Variants in FYB1 observed in about 807,000 individuals in gnomAD.
FYB1 encodes the protein FYN binding protein 1.
In FYB1, 41 loss-of-function variants were observed where a neutral mutation model predicts 94.1. The observed-to-expected ratio is 0.44, with a 90% CI of 0.34 to 0.57. The LOEUF (loss-of-function observed/expected upper bound fraction) is 0.57. Among genes scored for constraint, FYB1 ranks in the 20% least tolerant of loss-of-function variants. FYB1 has a pLI of 0.02. For synonymous variants in FYB1, 367 were observed against 353.2 expected (o/e 1.04, Z -0.44); for missense variants, 1,050 against 976.8 (o/e 1.07, Z -1.00).
chr5:39,246,816 G>A (rs1448808856), intron 1 of FYB1, among the ~76,000 whole-genome samples: 1 of 152,014 alleles, frequency 6.6e-6, no homozygotes, highest in African/African-American at 2.4e-5. Flanking sequence ...GACATGGTGA[G>A]GAGCAGAATG....
intron 1 of FYB1, among the ~76,000 whole-genome samples, chr5:39,267,487 C>T (rs1752483315): frequency 6.6e-6 from 1 of 152,080 alleles, no homozygotes; most frequent in Admixed American, 6.6e-5. Context: ...AACAAGTCAA[C>T]AAGAAGCCAG....
chr5:39,192,455 T>C (rs1346584077), intron 2 of FYB1, among the ~76,000 whole-genome samples: 1 of 152,244 alleles, frequency 6.6e-6, no homozygotes, highest in Non-Finnish European at 1.5e-5. Context: ...TTATTTATAT[T>C]ACAAGTGGTC....
intron 1 of FYB1, among the ~76,000 whole-genome samples, chr5:39,246,882 T>C (rs1751498610): frequency 6.6e-6 from 1 of 151,872 alleles, no homozygotes. Context: ...GCCTGGGCTT[T>C]GGAGCCAGGC....
At chr5:39,165,474 T>C (rs1004778422) in intron 2 of FYB1, among the ~76,000 whole-genome samples, 1 of 152,180 alleles carries the variant, frequency 6.6e-6, no homozygotes, top group Non-Finnish European at 1.5e-5. Flanking sequence ...TCTCTCACCA[T>C]ACACAAGAAA....
chr5:39,202,474 C>T lies in FYB1; in HGVS notation c.487G>A (p.Glu163Lys), dbSNP rs762788072. The T allele has an allele frequency of 6.2e-7, 1 of 1,613,880 alleles. No homozygotes were observed. The highest frequency in any genetic ancestry group is 8.5e-7 in the Non-Finnish European group (1 of 1,179,866). ...GGAAACGCTTGCTTCTGTTCATTTT[C>T]TGAGGTTGGAGGAGTAGGCCCAGAT... ...PKSGPTPPTSENEQKQAFPKL... is the reference protein window; with the variant it reads ...PKSGPTPPTSKNEQKQAFPKL... The change falls in exon 2 of 19, where the codon GAA (glutamate) becomes AAA (lysine). Residue 163 changes from glutamate (E) to lysine (K), a missense_variant. Transcript: ENST00000512982.
intron 2 of FYB1, among the ~76,000 whole-genome samples, chr5:39,194,744 G>A (rs796443740): frequency 5.3e-5 from 8 of 152,312 alleles, no homozygotes; most frequent in African/African-American, 1.9e-4. Flanking sequence ...GGACAGTGTG[G>A]TTAAGGGAAG....
chr5:39,198,986 T>C (rs1748070652), intron 2 of FYB1, among the ~76,000 whole-genome samples: 1 of 152,024 alleles, frequency 6.6e-6, no homozygotes, highest in African/African-American at 2.4e-5. Flanking sequence ...TATGATTTGG[T>C]TATGTCACAT....
intron 9 of FYB1, among the ~76,000 whole-genome samples, chr5:39,133,219 T>G (rs1043985017): frequency 6.6e-6 from 1 of 152,152 alleles, no homozygotes; most frequent in African/African-American, 2.4e-5. Context: ...CCTTTGAAAT[T>G]TGAGTTATGA....
intron 10 of FYB1, among the ~76,000 whole-genome samples, chr5:39,129,500 C>T (rs1037527469): frequency 9.2e-5 from 14 of 151,990 alleles, no homozygotes; most frequent in African/African-American, 3.1e-4. Context: ...GCAAAGCAAT[C>T]AACCAACAGA....
intron 2 of FYB1, among the ~76,000 whole-genome samples, chr5:39,162,672 C>A (rs187285230): frequency 2.7e-5 from 4 of 150,164 alleles, no homozygotes; most frequent in African/African-American, 9.8e-5. Context: ...GCAACAGAGA[C>A]GCCATCTCAA....
intron 2 of FYB1, among the ~76,000 whole-genome samples, chr5:39,190,795 A>T (rs1318161): frequency 0.67 from 93,965 of 139,576 alleles, 31,001 homozygotes; most frequent in Non-Finnish European, 0.76. Flanking sequence ...TGTGTGTGAG[A>T]GAGAGATGTT....
chr5:39,254,907 T>G (rs1362812), intron 1 of FYB1, among the ~76,000 whole-genome samples: 48,766 of 151,940 alleles, frequency 0.32, 9,473 homozygotes, highest in African/African-American at 0.55. Context: ...AGACCTGATC[T>G]GGCAGAGGGG....
At chr5:39,157,023 T>C (rs1452891151) in intron 2 of FYB1, among the ~76,000 whole-genome samples, 2 of 152,348 alleles carry the variant, frequency 1.3e-5, no homozygotes, top group South Asian at 4.1e-4. Context: ...CTTGGCATTC[T>C]ACATATGTAA....
intron 1 of FYB1, among the ~76,000 whole-genome samples, chr5:39,227,248 G>A (rs1750516537): frequency 7.0e-6 from 1 of 142,696 alleles, no homozygotes; most frequent in Admixed American, 6.7e-5. Flanking sequence ...CTCTTGGTTG[G>A]ATTCTGGTTT....
At chr5:39,164,032 A>AAATC (rs1172156230) in intron 2 of FYB1, among the ~76,000 whole-genome samples, 2 of 152,250 alleles carry the variant, frequency 1.3e-5, no homozygotes, top group Non-Finnish European at 2.9e-5. Flanking sequence ...TTTTAGGATA[A>AAATC]AATCAATATA....
chr5:39,250,025 C>G (rs866422579), intron 1 of FYB1, among the ~76,000 whole-genome samples: 2 of 152,124 alleles, frequency 1.3e-5, no homozygotes, highest in South Asian at 2.1e-4. Flanking sequence ...ATAAGGGGCT[C>G]TTCTCCCTTT....
intron 1 of FYB1, among the ~76,000 whole-genome samples, chr5:39,247,355 A>G (rs1238198151): frequency 6.6e-6 from 1 of 151,902 alleles, no homozygotes; most frequent in Non-Finnish European, 1.5e-5. Context: ...TACGGGGTAT[A>G]TATGGAAAGC....
At position 39,121,209 on chromosome 5, in the gene FYB1, T is replaced by C. The variant is rs578181660; in HGVS notation, c.2138+1127A>G. ...AAAAAAAAAAAAAAAAAAAAAAGCA[T>C]TAACAACTGTCAAGGGTTGAAACAC... is the stretch of plus-strand genomic sequence containing the variant. On this transcript the variant is annotated intron_variant, in intron 14 of 18. Transcript: ENST00000512982. 1.1e-3 allele frequency among the ~76,000 whole-genome samples: 157 copies of C among 140,260 alleles called. 1 individual carries two copies. Among genetic ancestry groups the C allele is most frequent in the African/African-American group, 4.0e-3 (149 of 37,676 alleles). The allele number at this position is 140,260 out of a possible 152,430, so 92.0% of individuals were successfully genotyped here.
chr5:39,237,638 A>G (rs1410345680), intron 1 of FYB1, among the ~76,000 whole-genome samples: 1 of 152,142 alleles, frequency 6.6e-6, no homozygotes, highest in African/African-American at 2.4e-5. Flanking sequence ...AAGAGTTAAA[A>G]TGACTACAAT....
Sources: gnomAD v4.1 joint callset for allele counts (sites outside exome capture counted in the v4.1 genomes callset) on GRCh38, gnomAD v4.1.1 for gene constraint, MANE v1.5 for transcripts, NCBI Gene and HGNC (gene_info 2026-07-23, HGNC 2026-07-21) for gene names.